PEAK1: variants seen among roughly 807,000 people sequenced by gnomAD.
PEAK1 encodes the protein pseudopodium enriched atypical kinase 1, also known as inactive tyrosine-protein kinase PEAK1.
A neutral mutation model predicts 124.7 loss-of-function variants in PEAK1; 54 were observed. That is an observed-to-expected ratio of 0.43 (90% CI 0.35 to 0.54). The LOEUF (loss-of-function observed/expected upper bound fraction) is 0.54, where lower values mean the gene tolerates loss of function less well. Among genes scored for constraint, PEAK1 ranks in the 20% least tolerant of loss-of-function variants. The pLI is 0.01. For missense variants in PEAK1, 2,046 were observed against 2,134.5 expected (o/e 0.96, Z 0.82); for synonymous variants, 719 against 760.0 (o/e 0.95, Z 0.89).
rs566044615 is a variant in PEAK1 at position 77,261,952 on chromosome 15, A to G, written c.-274-9426T>C. Among the ~76,000 whole-genome samples the G allele has an allele frequency of 8.6e-4, 131 of 152,250 alleles. 1 individual carries two copies. The East Asian group carries it at 0.022, about 25-fold the overall frequency. On this transcript the variant is annotated intron_variant, in intron 5 of 9. Coordinates refer to ENST00000682557, the MANE Select transcript of PEAK1 (RefSeq NM_001385026.1). ...AAGCCAGAAGAGAGTGGGGGCCAAT[A>G]TTCAACATTCTTAAAGAAAAGAATT...
chr15:77,147,377 C>A (rs981718676), intron 8 of PEAK1, among the ~76,000 whole-genome samples: 3 of 152,014 alleles, frequency 2.0e-5, no homozygotes, highest in Non-Finnish European at 4.4e-5. Context: ...AGCCAAAAAT[C>A]GGTTGAATAA....
At chr15:77,328,245 G>A (rs546296518) in intron 2 of PEAK1, among the ~76,000 whole-genome samples, 2 of 152,228 alleles carry the variant, frequency 1.3e-5, no homozygotes, top group South Asian at 4.1e-4. Flanking sequence ...GATTAGACAA[G>A]GTATACAAAG....
intron 6 of PEAK1, among the ~76,000 whole-genome samples, chr15:77,223,488 AGC>A (rs1302234010): frequency 6.6e-6 from 1 of 152,094 alleles, no homozygotes; most frequent in Non-Finnish European, 1.5e-5. Flanking sequence ...TATCATAGCA[AGC>A]AATCTGGATA....
intron 2 of PEAK1, among the ~76,000 whole-genome samples, chr15:77,306,106 A>G (rs1413345667): frequency 1.3e-5 from 2 of 152,212 alleles, no homozygotes; most frequent in African/African-American, 4.8e-5. Flanking sequence ...ACTAGCAAAG[A>G]TTAGTACATA....
chr15:77,333,323 A>G, intron 2 of PEAK1: 1 of 981,444 alleles, frequency 1.0e-6, no homozygotes, highest in Non-Finnish European at 1.2e-6. Flanking sequence ...TTAATTTTGC[A>G]TTTAGAAGAG....
intron 2 of PEAK1, among the ~76,000 whole-genome samples, chr15:77,295,339 GA>G (rs1350801698): frequency 6.6e-6 from 1 of 151,892 alleles, no homozygotes; most frequent in Non-Finnish European, 1.5e-5. Flanking sequence ...CTAAGGAAGA[GA>G]AAAAAAGACA....
At chr15:77,346,681 A>G (rs1423571472) in intron 2 of PEAK1, 5 of 983,958 alleles carry the variant, frequency 5.1e-6, no homozygotes, top group Non-Finnish European at 6.0e-6. Context: ...AAAAACATTA[A>G]TTGTATCTTC....
intron 8 of PEAK1, among the ~76,000 whole-genome samples, chr15:77,139,667 G>A (rs1490047019): frequency 6.6e-6 from 1 of 151,970 alleles, no homozygotes; most frequent in African/African-American, 2.4e-5. Flanking sequence ...CTTTCTTCAA[G>A]AATATCTAAG....
At chr15:77,122,918 C>T (rs1296962821) in intron 9 of PEAK1, among the ~76,000 whole-genome samples, 7 of 152,130 alleles carry the variant, frequency 4.6e-5, no homozygotes, top group Non-Finnish European at 1.0e-4. Flanking sequence ...TCCTGTAATG[C>T]TTTTTCATTT....
rs112807477 is a variant in PEAK1, at chr15:77,325,140, T to C, written c.-602-38636A>G. The stretch of plus-strand genomic sequence containing the variant: ...ATTCTCTCAAAACCCTTCCCTTGGC[T>C]GGGTGTGGTGGCTCATGCCTACAAT... On this transcript the variant is annotated intron_variant, in intron 2 of 9. Transcript: ENST00000682557. Among the ~76,000 whole-genome samples the C allele has an allele frequency of 1.5e-3, 235 of 152,270 alleles. 3 individuals are homozygous for C. Among genetic ancestry groups the C allele is most frequent in the African/African-American group, 5.4e-3 (226 of 41,552 alleles).
intron 5 of PEAK1, among the ~76,000 whole-genome samples, chr15:77,281,327 T>TA (rs1323893700): frequency 2.0e-5 from 3 of 152,326 alleles, no homozygotes; most frequent in African/African-American, 7.2e-5. Flanking sequence ...AAGCCATTGT[T>TA]ACTGAATTCA....
chr15:77,182,021 CT>C lies in PEAK1; in HGVS notation c.-96del. On this transcript the variant is annotated 5_prime_UTR_variant, in exon 7 of 10. Coordinates refer to ENST00000682557, the MANE Select transcript of PEAK1 (RefSeq NM_001385026.1). ...TCACTTCCCCTATGTGTTACAGCAG[CT>C]CTTCTAAGAATGATCAATCTGTGGA... 1 of 1,480,034 alleles carries C rather than the reference CT, an allele frequency of 6.8e-7. No homozygotes were observed. The highest frequency in any genetic ancestry group is 8.9e-7 in the Non-Finnish European group (1 of 1,122,012). 91.7% of individuals were successfully genotyped at this position (1,480,034 alleles called of 1,614,324 possible).
intron 2 of PEAK1, among the ~76,000 whole-genome samples, chr15:77,318,012 G>T (rs2064980454): frequency 6.6e-6 from 1 of 152,162 alleles, no homozygotes; most frequent in African/African-American, 2.4e-5. Flanking sequence ...ATTAATGGTT[G>T]CCAGGGACCA....
intron 5 of PEAK1, among the ~76,000 whole-genome samples, chr15:77,254,838 T>C (rs923348498): frequency 9.9e-5 from 15 of 152,180 alleles, no homozygotes; most frequent in Admixed American, 8.5e-4. Flanking sequence ...ACAATAAAAA[T>C]GCAAGATCTC....
At chr15:77,294,181 A>ATC (rs2063366614) in intron 2 of PEAK1, among the ~76,000 whole-genome samples, 1 of 152,214 alleles carries the variant, frequency 6.6e-6, no homozygotes, top group Non-Finnish European at 1.5e-5. Context: ...TGATCTCTGA[A>ATC]AGCTGAGACT....
At chr15:77,320,921 G>C (rs905268772) in intron 2 of PEAK1, among the ~76,000 whole-genome samples, 7 of 150,624 alleles carry the variant, frequency 4.6e-5, no homozygotes, top group Non-Finnish European at 7.4e-5. Flanking sequence ...TTGGTTTTTT[G>C]TCCTTGCGAC....
intron 2 of PEAK1, among the ~76,000 whole-genome samples, chr15:77,310,320 G>A (rs574218463): frequency 1.0e-3 from 157 of 152,266 alleles, no homozygotes; most frequent in Admixed American, 2.4e-3. Flanking sequence ...AGTCTCTTAT[G>A]TTCCTAGCTT....
At chr15:77,334,507 A>AC (rs1253949400) in intron 2 of PEAK1, 1 of 985,182 alleles carries the variant, frequency 1.0e-6, no homozygotes, top group East Asian at 1.1e-4. Context: ...TCCACTCACG[A>AC]CCCAGGCAGT....
At chr15:77,331,603 TTTTA>T (rs1171209214) in intron 2 of PEAK1, among the ~76,000 whole-genome samples, 5 of 152,124 alleles carry the variant, frequency 3.3e-5, no homozygotes, top group East Asian at 1.9e-4. Context: ...TCATGAATGC[TTTTA>T]TTTATTTATT....
Sources: gnomAD v4.1 joint callset for allele counts (sites outside exome capture counted in the v4.1 genomes callset) on GRCh38, gnomAD v4.1.1 for gene constraint, MANE v1.5 for transcripts, NCBI Gene and HGNC (gene_info 2026-07-23, HGNC 2026-07-21) for gene names.